ARHGAP42: variants seen among roughly 807,000 people sequenced by gnomAD.
The protein encoded by ARHGAP42 is rho GTPase-activating protein 42.
A neutral mutation model predicts 125.0 loss-of-function variants in ARHGAP42; 63 were observed. That is an observed-to-expected ratio of 0.50 (90% confidence interval 0.41 to 0.62). ARHGAP42 has a LOEUF of 0.62. ARHGAP42 is among the 20% of genes least tolerant of loss of function. The probability of loss-of-function intolerance (pLI) is 0.00; values close to 1 mark genes in which losing one functional copy is unlikely to be tolerated. For synonymous variants in ARHGAP42, 339 were observed against 351.0 expected (o/e 0.97, Z 0.38); for missense variants, 766 against 1,024.2 (o/e 0.75, Z 3.44).
At chr11:100,715,048 C>CAAAAAA (rs36017086) in intron 1 of ARHGAP42, among the ~76,000 whole-genome samples, 1 of 61,898 alleles carries the variant, frequency 1.6e-5, no homozygotes, top group Non-Finnish European at 2.8e-5. Context: ...AACCCTATCT[C>CAAAAAA]AAAAAAAAAA....
At chr11:100,730,877 C>A in intron 1 of ARHGAP42, among the ~76,000 whole-genome samples, 1 of 152,110 alleles carries the variant, frequency 6.6e-6, no homozygotes, top group East Asian at 1.9e-4. Context: ...TGGTAGATGG[C>A]TGTAACACAA....
At chr11:100,818,142 T>C (rs1864312887) in intron 3 of ARHGAP42, among the ~76,000 whole-genome samples, 1 of 152,206 alleles carries the variant, frequency 6.6e-6, no homozygotes, top group Non-Finnish European at 1.5e-5. Flanking sequence ...TGTGTCCCCC[T>C]GGTCCTTCCA....
At chr11:100,904,920 A>T (rs1866679081) in intron 4 of ARHGAP42, among the ~76,000 whole-genome samples, 1 of 152,196 alleles carries the variant, frequency 6.6e-6, no homozygotes, top group East Asian at 1.9e-4. Context: ...AACCACTGTT[A>T]ATTGTTCTCC....
chr11:100,943,403 A>G (rs1454305515), intron 9 of ARHGAP42, among the ~76,000 whole-genome samples: 6 of 152,014 alleles, frequency 3.9e-5, no homozygotes, highest in Non-Finnish European at 8.8e-5. Context: ...AGCACTCTGT[A>G]TATCCAATTG....
At chr11:100,736,766 A>G (rs1361514497) in intron 1 of ARHGAP42, among the ~76,000 whole-genome samples, 2 of 152,192 alleles carry the variant, frequency 1.3e-5, no homozygotes, top group Admixed American at 1.3e-4. Flanking sequence ...TTTTTTTTAA[A>G]TTAAAAATAT....
intron 2 of ARHGAP42, among the ~76,000 whole-genome samples, chr11:100,781,189 A>G (rs1389744871): frequency 1.3e-5 from 2 of 150,884 alleles, no homozygotes; most frequent in African/African-American, 4.9e-5. Context: ...GGAGTAGTTT[A>G]CCTCTTTCTC....
chr11:100,744,437 T>C (rs1862253128), intron 1 of ARHGAP42, among the ~76,000 whole-genome samples: 1 of 152,202 alleles, frequency 6.6e-6, no homozygotes, highest in Non-Finnish European at 1.5e-5. Flanking sequence ...GTGATCATTA[T>C]AGAACCCTGT....
At chr11:100,706,392 G>C (rs1232508644) in intron 1 of ARHGAP42, among the ~76,000 whole-genome samples, 3 of 152,182 alleles carry the variant, frequency 2.0e-5, no homozygotes, top group African/African-American at 7.2e-5. Flanking sequence ...TGGAGAGGCT[G>C]AAGTCTACAG....
At chr11:100,801,656 C>T (rs1308362199) in intron 3 of ARHGAP42, among the ~76,000 whole-genome samples, 2 of 152,014 alleles carry the variant, frequency 1.3e-5, no homozygotes, top group Non-Finnish European at 2.9e-5. Context: ...CTAAAGCCAA[C>T]TAAAATGCAT....
At chr11:100,827,046 C>T (rs539936814) in intron 3 of ARHGAP42, among the ~76,000 whole-genome samples, 2 of 141,350 alleles carry the variant, frequency 1.4e-5, no homozygotes, top group South Asian at 2.3e-4. Flanking sequence ...TCTCATTGCC[C>T]AGGCTAGACT....
At chr11:100,966,316 A>G (rs115972444) in intron 17 of ARHGAP42, among the ~76,000 whole-genome samples, 2,142 of 152,278 alleles carry the variant, frequency 0.014, 50 homozygotes, top group African/African-American at 0.049. Context: ...AACAAAAGCA[A>G]TAGTGTGTGT....
intron 1 of ARHGAP42, among the ~76,000 whole-genome samples, chr11:100,725,229 G>A (rs7114867): frequency 0.54 from 81,151 of 150,584 alleles, 22,337 homozygotes; most frequent in African/African-American, 0.67. Flanking sequence ...GGAATGCAGC[G>A]GTGTGATCTA....
At chr11:100,882,953 C>T (rs1865996041) in intron 4 of ARHGAP42, among the ~76,000 whole-genome samples, 1 of 152,148 alleles carries the variant, frequency 6.6e-6, no homozygotes, top group East Asian at 1.9e-4. Flanking sequence ...CAAAATAGCT[C>T]CCATTTCATT....
chr11:100,906,638 A>AT (rs1866746370), intron 4 of ARHGAP42, among the ~76,000 whole-genome samples: 5 of 151,500 alleles, frequency 3.3e-5, no homozygotes, highest in Admixed American at 3.3e-4. Context: ...AATTCTCTTG[A>AT]TTTTATTATC....
At chr11:100,975,143 C>G (rs560507727) in intron 19 of ARHGAP42, among the ~76,000 whole-genome samples, 1 of 152,000 alleles carries the variant, frequency 6.6e-6, no homozygotes, top group East Asian at 1.9e-4. Context: ...TACCCCCCAC[C>G]CCAATTTTTT....
chr11:100,769,669 G>C (rs968882903), intron 1 of ARHGAP42, among the ~76,000 whole-genome samples: 2 of 139,732 alleles, frequency 1.4e-5, no homozygotes, highest in African/African-American at 2.7e-5. Context: ...CTAATCAACT[G>C]TTGGCTTTTT....
At chr11:100,794,992 G>A (rs780730707) in intron 2 of ARHGAP42, 113 bp from the exon 3 acceptor site, 11 of 742,664 alleles carry the variant, frequency 1.5e-5, no homozygotes, top group Non-Finnish European at 2.1e-5. Context: ...ATAGTATACA[G>A]AATATACTAT....
Position 100,687,626 on chromosome 11 carries a change from C to T in ARHGAP42, c.-53C>T, listed in dbSNP as rs1161972511. ...CCGCCGCGGCCGCCGGCTGCCCCCG[C>T]CCTGACCTCCGGCCCGGACGTGTCC... On this transcript the variant is annotated 5_prime_UTR_variant, in exon 1 of 24. Transcript: ENST00000298815. 9 of 1,275,048 alleles carry T rather than the reference C, an allele frequency of 7.1e-6. No individual in the cohort carries two copies. Among genetic ancestry groups the T allele is most frequent in the Non-Finnish European group, 9.0e-6 (9 of 1,002,258 alleles). The allele number at this position is 1,275,048 out of a possible 1,614,324, so 79.0% of individuals were successfully genotyped here.
chr11:100,848,465 A>T (rs1194125446), intron 3 of ARHGAP42, among the ~76,000 whole-genome samples: 1 of 151,552 alleles, frequency 6.6e-6, no homozygotes, highest in Non-Finnish European at 1.5e-5. Flanking sequence ...TGCTCATGTA[A>T]ACTGGACATC....
Sources: gnomAD v4.1 joint callset for allele counts (sites outside exome capture counted in the v4.1 genomes callset) on GRCh38, gnomAD v4.1.1 for gene constraint, MANE v1.5 for transcripts, NCBI Gene and HGNC (gene_info 2026-07-23, HGNC 2026-07-21) for gene names.